The following PRICKLE2 variants were observed in gnomAD, a reference collection of about 807,000 sequenced individuals.
The protein encoded by PRICKLE2 is prickle-like protein 2.
Under a neutral mutation model 81.4 loss-of-function variants are expected in PRICKLE2, and 21 were observed. That is an observed-to-expected ratio of 0.26 (90% confidence interval 0.18 to 0.37). PRICKLE2 has a LOEUF of 0.37. Ranked by LOEUF, PRICKLE2 falls within the 10% of genes least tolerant of loss-of-function variation. The probability of loss-of-function intolerance (pLI) is 1.00; values close to 1 mark genes in which losing one functional copy is unlikely to be tolerated. For synonymous variants in PRICKLE2, 456 were observed against 421.5 expected, an observed-to-expected ratio of 1.08 and a Z score of -1.00; for missense variants, 940 against 1,109.0, an observed-to-expected ratio of 0.85 and a Z score of 2.16.
chr3:64,257,475 G>A (rs979719801), intron 2 of PRICKLE2, among the ~76,000 whole-genome samples: 12 of 152,328 alleles, frequency 7.9e-5, no homozygotes, highest in Non-Finnish European at 1.5e-4. Flanking sequence ...GGCAGTCAGG[G>A]AAGAAAAGGC....
At chr3:64,149,899 T>C (rs959068195) in intron 6 of PRICKLE2, among the ~76,000 whole-genome samples, 84 of 150,914 alleles carry the variant, frequency 5.6e-4, no homozygotes, top group Non-Finnish European at 1.0e-3. Context: ...TTTATAGGGA[T>C]AGGAGCAGCC....
In PRICKLE2 at chr3:64,147,181, C is replaced by A; in HGVS notation, c.1309G>T (p.Ala437Ser). ...TGCTTGCCCCACATTTCGGGCTGGG[C>A]CCCAGCCCCTTGCCCTCCTGGACTG... Reference protein sequence around the residue: ...SYSPGGQGAGAQPEMWGKHFS... With the variant: ...SYSPGGQGAGSQPEMWGKHFS... Residue 437 changes from alanine to serine, a missense_variant, in exon 7 of 8, where the codon GCC (alanine) becomes TCC (serine). This residue lies in a region of PRICKLE2 where 670 missense variants were observed against 717.2 expected (regional missense o/e 0.93). Coordinates refer to ENST00000638394, the MANE Select transcript of PRICKLE2 (RefSeq NM_198859.4). The surrounding 1 kb of genome is among the most constrained non-coding windows in gnomAD (Gnocchi z 5.0). 6.2e-7 allele frequency: 1 copy of A among 1,613,720 alleles called. No homozygotes were observed.
At chr3:64,263,123 C>CT (rs1044954930) in intron 2 of PRICKLE2, among the ~76,000 whole-genome samples, 2 of 152,292 alleles carry the variant, frequency 1.3e-5, no homozygotes, top group African/African-American at 4.8e-5. Context: ...CACATGGCGC[C>CT]TTTTTTTGTT....
At chr3:64,125,927 C>A (rs965209624) in intron 7 of PRICKLE2, among the ~76,000 whole-genome samples, 35 of 151,946 alleles carry the variant, frequency 2.3e-4, no homozygotes, top group African/African-American at 8.0e-4. Context: ...AGTGAAAAAA[C>A]AAATTACAAA....
chr3:64,187,068 G>A (rs1311066261), intron 2 of PRICKLE2, among the ~76,000 whole-genome samples: 1 of 152,184 alleles, frequency 6.6e-6, no homozygotes, highest in East Asian at 1.9e-4. Flanking sequence ...TTGCAAATGA[G>A]CCTTGGCCTT....
intron 7 of PRICKLE2, chr3:64,145,946 T>C (rs2077442872): frequency 6.6e-6 from 1 of 152,114 alleles, no homozygotes; most frequent in Admixed American, 6.5e-5. Flanking sequence ...CTTCTCCTAA[T>C]GCCATCACCT....
intron 7 of PRICKLE2, among the ~76,000 whole-genome samples, chr3:64,109,214 G>A (rs2076804706): frequency 6.6e-6 from 1 of 152,116 alleles, no homozygotes; most frequent in Admixed American, 6.5e-5. Flanking sequence ...CTGGTTGGGT[G>A]TGGTATGTCC....
chr3:64,184,371 C>T (rs1168357199), intron 2 of PRICKLE2, among the ~76,000 whole-genome samples: 1 of 152,196 alleles, frequency 6.6e-6, no homozygotes, highest in Non-Finnish European at 1.5e-5. Context: ...CGTCTGATAC[C>T]ACAGCCATGG....
chr3:64,143,159 GA>G (rs1476933327), intron 7 of PRICKLE2, among the ~76,000 whole-genome samples: 1 of 152,080 alleles, frequency 6.6e-6, no homozygotes, highest in African/African-American at 2.4e-5. Context: ...AAATTTAAAA[GA>G]ATTAAAATTA....
At chr3:64,192,933 T>C (rs1340691132) in intron 2 of PRICKLE2, among the ~76,000 whole-genome samples, 1 of 152,220 alleles carries the variant, frequency 6.6e-6, no homozygotes, top group Non-Finnish European at 1.5e-5. Flanking sequence ...AACAATCTGA[T>C]GGCCTCTTCA....
intron 2 of PRICKLE2, among the ~76,000 whole-genome samples, chr3:64,173,455 A>G (rs1237645572): frequency 6.6e-6 from 1 of 152,188 alleles, no homozygotes; most frequent in Non-Finnish European, 1.5e-5. Context: ...AGTATTTATC[A>G]TCTTTAAAAA....
chr3:64,163,265 AG>A, intron 2 of PRICKLE2, 136 bp from the exon 3 acceptor site: 2 of 727,630 alleles, frequency 2.7e-6, no homozygotes, highest in Non-Finnish European at 5.1e-6. Flanking sequence ...AGTCAACAGC[AG>A]ATGAGTTTCC....
At chr3:64,260,432 A>G (rs1575726081) in intron 2 of PRICKLE2, among the ~76,000 whole-genome samples, 1 of 152,360 alleles carries the variant, frequency 6.6e-6, no homozygotes, top group East Asian at 1.9e-4. Context: ...GTACAACAAC[A>G]GTTCTTGCCC....
upstream of PRICKLE2, among the ~76,000 whole-genome samples, chr3:64,226,242 C>T (rs1261740172): frequency 2.6e-5 from 4 of 152,194 alleles, no homozygotes; most frequent in African/African-American, 9.6e-5. Context: ...TCAGAATCCA[C>T]ATTTCCTAGA....
At chr3:64,240,174 C>A (rs925420615) in intron 2 of PRICKLE2, among the ~76,000 whole-genome samples, 1 of 151,876 alleles carries the variant, frequency 6.6e-6, no homozygotes. Flanking sequence ...CCATTCCATC[C>A]TAGGATTGAG....
chr3:64,190,683 T>G lies in PRICKLE2; in HGVS notation c.144+8101A>C, dbSNP rs2078316998. On this transcript the variant is annotated intron_variant, in intron 2 of 7. Coordinates refer to ENST00000638394, the MANE Select transcript of PRICKLE2 (RefSeq NM_198859.4). ...CTCTCATGGGGAAAATCAAGTGGAA[T>G]GCTGCCAAGAAGCCCATAGCCAAAC... Among the ~76,000 whole-genome samples the G allele has an allele frequency of 2.0e-5, 3 of 152,226 alleles. No individual in the cohort carries two copies. In the South Asian group the frequency reaches 6.2e-4, roughly 31 times the overall value.
chr3:64,209,320 C>A (rs2078747850), intron 1 of PRICKLE2, among the ~76,000 whole-genome samples: 1 of 151,684 alleles, frequency 6.6e-6, no homozygotes, highest in African/African-American at 2.4e-5. Context: ...ATACATACAT[C>A]CATATTTATC....
At chr3:64,256,508 A>G (rs1433093663) in intron 2 of PRICKLE2, among the ~76,000 whole-genome samples, 1 of 152,224 alleles carries the variant, frequency 6.6e-6, no homozygotes, top group Non-Finnish European at 1.5e-5. Context: ...TCTACACAGA[A>G]AAAGTTTGTT....
intron 2 of PRICKLE2, among the ~76,000 whole-genome samples, chr3:64,179,798 A>G (rs1330892625): frequency 6.6e-6 from 1 of 152,186 alleles, no homozygotes; most frequent in African/African-American, 2.4e-5. Context: ...ATGGGGATCA[A>G]CAAAATTATA....
Sources: allele counts gnomAD v4.1 joint callset (sites outside exome capture counted in the v4.1 genomes callset), GRCh38; gene constraint gnomAD v4.1.1; regional missense constraint gnomAD v4.1.1; non-coding constraint Gnocchi (gnomAD v3.1); transcripts MANE v1.5; gene names NCBI Gene and HGNC (gene_info 2026-07-23, HGNC 2026-07-21).